Variants in RNF138 observed in about 807,000 individuals in gnomAD.
RNF138 encodes the protein ring finger protein 138.
Under a neutral mutation model 31.0 loss-of-function variants are expected in RNF138, and 12 were observed. That is an observed-to-expected ratio of 0.39 (90% CI 0.25 to 0.63). The LOEUF is 0.63. Ranked by LOEUF, RNF138 falls within the 20% of genes least tolerant of loss-of-function variation. RNF138 has a pLI of 0.52. For missense variants in RNF138, 192 were observed against 300.1 expected (o/e 0.64, Z 2.66); for synonymous variants, 105 against 99.5 (o/e 1.06, Z -0.33).
intron 4 of RNF138, among the ~76,000 whole-genome samples, chr18:32,121,216 C>T (rs1172794648): frequency 6.6e-6 from 1 of 151,920 alleles, no homozygotes; most frequent in African/African-American, 2.4e-5. Flanking sequence ...TCAATCCTGG[C>T]CAGGTGTGGT....
At chr18:32,095,969 A>G (rs942073704) in intron 2 of RNF138, among the ~76,000 whole-genome samples, 1 of 152,214 alleles carries the variant, frequency 6.6e-6, no homozygotes, top group African/African-American at 2.4e-5. Flanking sequence ...GTAATGCCTT[A>G]GGTCAGCGTT....
chr18:32,126,484 A>C (rs971493207), intron 6 of RNF138, among the ~76,000 whole-genome samples: 4 of 152,152 alleles, frequency 2.6e-5, no homozygotes, highest in African/African-American at 9.7e-5. Context: ...TAAGGAATAG[A>C]ATGTCTAAGA....
chr18:32,107,548 T>TCTCACCCTGTCACCCAGG lies in RNF138; in HGVS notation c.111-4203_111-4186dup, dbSNP rs1372520405. Among the ~76,000 whole-genome samples the TCTCACCCTGTCACCCAGG allele has an allele frequency of 4.0e-5, 6 of 151,498 alleles. No individual in the cohort carries two copies. The East Asian group carries it at 7.8e-4, about 20-fold the overall frequency. On this transcript the variant is annotated intron_variant, in intron 2 of 7. Transcript: ENST00000261593. ...TTTGTTTGTTTGTTTTGAGATGGAG[T>TCTCACCCTGTCACCCAGG]CTCACCCTGTCACCCAGGCTGGAGT...
chr18:32,110,271 G>A (rs1360233913), intron 2 of RNF138, among the ~76,000 whole-genome samples: 1 of 152,090 alleles, frequency 6.6e-6, no homozygotes, highest in Non-Finnish European at 1.5e-5. Flanking sequence ...GGGATTATAG[G>A]CATGAGCCAC....
At chr18:32,104,134 C>T (rs2039989635) in intron 2 of RNF138, among the ~76,000 whole-genome samples, 1 of 151,428 alleles carries the variant, frequency 6.6e-6, no homozygotes, top group Non-Finnish European at 1.5e-5. Flanking sequence ...GTGACTTAGC[C>T]TCCCAAATAG....
At chr18:32,095,786 G>A (rs914384294) in intron 2 of RNF138, among the ~76,000 whole-genome samples, 1 of 152,208 alleles carries the variant, frequency 6.6e-6, no homozygotes, top group African/African-American at 2.4e-5. Context: ...AACTGCAGTT[G>A]TTGAATGCTC....
chr18:32,103,480 A>G (rs2039976061), intron 2 of RNF138, among the ~76,000 whole-genome samples: 1 of 152,106 alleles, frequency 6.6e-6, no homozygotes, highest in South Asian at 2.1e-4. Flanking sequence ...GGTGCGAGCC[A>G]CTGTGTCTGG....
intron 2 of RNF138, among the ~76,000 whole-genome samples, chr18:32,105,258 A>AT (rs764884331): frequency 1.3e-5 from 2 of 151,886 alleles, no homozygotes; most frequent in African/African-American, 2.4e-5. Flanking sequence ...TACATGGCTA[A>AT]TTTTTGTATT....
At chr18:32,123,250 C>A (rs2040333764) in intron 4 of RNF138, among the ~76,000 whole-genome samples, 1 of 151,684 alleles carries the variant, frequency 6.6e-6, no homozygotes, top group Admixed American at 6.6e-5. Flanking sequence ...TGTAACTGTG[C>A]ATAAGTTAAT....
chr18:32,111,740 AATGT>A lies in RNF138; in HGVS notation c.111-13_111-10del. On this transcript the variant is annotated splice_polypyrimidine_tract_variant and intron_variant, in intron 2 of 7. Coordinates refer to ENST00000261593, the MANE Select transcript of RNF138 (RefSeq NM_016271.5). The stretch of plus-strand genomic sequence containing the variant: ...ATTTTTTTTGTAATTAATGTGTCAC[AATGT>A]TTGGTTTAGTTTCTGTAGAAAATGT... 6.2e-7 allele frequency: 1 copy of A among 1,604,960 alleles called. No homozygotes were observed. Among genetic ancestry groups the A allele is most frequent in the Non-Finnish European group, 8.5e-7 (1 of 1,176,662 alleles).
chr18:32,099,947 C>T (rs1189940823), intron 2 of RNF138, among the ~76,000 whole-genome samples: 2 of 152,204 alleles, frequency 1.3e-5, no homozygotes, highest in Non-Finnish European at 2.9e-5. Context: ...TCTGATACAT[C>T]ACACAAGAAT....
intron 2 of RNF138, among the ~76,000 whole-genome samples, chr18:32,096,724 AT>A (rs2039812701): frequency 6.6e-6 from 1 of 152,054 alleles, no homozygotes. Flanking sequence ...GTCAGATGTA[AT>A]TTTGTTTTTG....
chr18:32,092,542 G>GC (rs1033087540), intron 1 of RNF138, 158 bp from the exon 2 acceptor site: 46 of 518,854 alleles, frequency 8.9e-5, no homozygotes, highest in Non-Finnish European at 1.3e-4. Context: ...CCCCCATCCA[G>GC]CCCCCTGTGG....
intron 2 of RNF138, among the ~76,000 whole-genome samples, chr18:32,101,766 T>G (rs1398274230): frequency 6.6e-6 from 1 of 152,226 alleles, no homozygotes; most frequent in East Asian, 1.9e-4. Flanking sequence ...TTGCCAATTT[T>G]GTTTTTTTAA....
chr18:32,107,941 A>G (rs28378426), intron 2 of RNF138, among the ~76,000 whole-genome samples: 98,833 of 151,516 alleles, frequency 0.65, 32,451 homozygotes, highest in East Asian at 0.74. Flanking sequence ...TGCAAGCTCC[A>G]CCTCCCAGGT....
At chr18:32,098,701 A>G (rs1410792827) in intron 2 of RNF138, among the ~76,000 whole-genome samples, 9 of 151,896 alleles carry the variant, frequency 5.9e-5, no homozygotes, top group Admixed American at 2.6e-4. Context: ...AAATACAAAA[A>G]AATTAGCCGG....
chr18:32,092,534 C>A (rs964665788), intron 1 of RNF138, 166 bp from the exon 2 acceptor site: 6 of 502,374 alleles, frequency 1.2e-5, no homozygotes, highest in Admixed American at 7.5e-5. Context: ...AGCACCGTCC[C>A]CCATCCAGCC....
At position 32,126,822 on chromosome 18, in the gene RNF138, A is replaced by G. The variant is rs751288454; in HGVS notation, c.669+22A>G. On this transcript the variant is annotated intron_variant, in intron 7 of 7. Coordinates refer to ENST00000261593, the MANE Select transcript of RNF138 (RefSeq NM_016271.5). ...TGTGGTAAGTGAATTCTTCAAGATT[A>G]AGAAAGTACTGTTTAAATATTAAAG... The G allele has an allele frequency of 1.6e-5, 21 of 1,312,764 alleles. No individual in the cohort carries two copies. In the East Asian group the frequency reaches 3.7e-4, roughly 23 times the overall value. 81.3% of individuals were successfully genotyped at this position (1,312,764 alleles called of 1,614,324 possible). A position where few individuals can be genotyped will look rare whatever the true frequency, so the allele number is the denominator to read the frequency against.
chr18:32,099,107 C>G (rs1052783386), intron 2 of RNF138, among the ~76,000 whole-genome samples: 1 of 152,044 alleles, frequency 6.6e-6, no homozygotes, highest in African/African-American at 2.4e-5. Context: ...GGAAATTCGT[C>G]TAGCATCTGC....
Sources: allele counts gnomAD v4.1 joint callset (sites outside exome capture counted in the v4.1 genomes callset), GRCh38; gene constraint gnomAD v4.1.1; transcripts MANE v1.5; gene names NCBI Gene and HGNC (gene_info 2026-07-23, HGNC 2026-07-21).